Variants in ANKRD36B observed in about 807,000 individuals in gnomAD.
ANKRD36B encodes the protein ankyrin repeat domain 36B.
In ANKRD36B, 37 loss-of-function variants were observed where a neutral mutation model predicts 135.7. The ratio of observed to expected loss-of-function variants is 0.27; its 90% confidence interval spans 0.21 to 0.36. The LOEUF (loss-of-function observed/expected upper bound fraction) is 0.36, where lower values mean the gene tolerates loss of function less well. ANKRD36B is among the 10% of genes least tolerant of loss of function. The pLI, the probability that ANKRD36B is intolerant of heterozygous loss-of-function variation, is 1.00. For synonymous variants in ANKRD36B, 179 were observed against 348.1 expected (o/e 0.51, Z 5.41); for missense variants, 549 against 1,037.1 (o/e 0.53, Z 6.46).
chr2:97,532,031 G>T (rs1237081734), intron 35 of ANKRD36B, among the ~76,000 whole-genome samples: 1 of 95,192 alleles, frequency 1.1e-5, no homozygotes, highest in Non-Finnish European at 2.8e-5. Flanking sequence ...AATATTTGAT[G>T]TTACCTTCTT....
At chr2:97,527,471 C>T (rs1230141159) in intron 35 of ANKRD36B, among the ~76,000 whole-genome samples, 1 of 94,214 alleles carries the variant, frequency 1.1e-5, no homozygotes, top group African/African-American at 3.2e-5. Flanking sequence ...TAAAGACCAT[C>T]GAGACTAGGA....
rs1197079809 is a variant in ANKRD36B at position 97,514,898 on chromosome 2, G to C, written c.2621+834C>G. ...TCCCTGCATATTAAGAATAAAACTG[G>C]ATACATTTTTTTTTTTTTTTTTTTG... On this transcript the variant is annotated intron_variant, in intron 37 of 43. Coordinates refer to ENST00000359901, the MANE Select transcript of ANKRD36B (RefSeq NM_001393939.1). Among the ~76,000 whole-genome samples the C allele has an allele frequency of 3.5e-4, 30 of 86,720 alleles. 8 individuals are homozygous for C. The highest frequency in any genetic ancestry group is 1.1e-3 in the African/African-American group (30 of 28,174). The allele number at this position is 86,720 out of a possible 152,430, so 56.9% of individuals were successfully genotyped here. A position where few individuals can be genotyped will look rare whatever the true frequency, so the allele number is the denominator to read the frequency against.
At chr2:97,563,391 T>C (rs949260759) in intron 6 of ANKRD36B, among the ~76,000 whole-genome samples, 1 of 151,416 alleles carries the variant, frequency 6.6e-6, no homozygotes, top group African/African-American at 2.4e-5. Flanking sequence ...TCACTTGTAA[T>C]GAAAATTCCT....
At chr2:97,552,817 A>G (rs1452988371) in intron 16 of ANKRD36B, among the ~76,000 whole-genome samples, 1 of 151,828 alleles carries the variant, frequency 6.6e-6, no homozygotes, top group African/African-American at 2.4e-5. Flanking sequence ...GACGTCTGTA[A>G]AATCTATACT....
intron 6 of ANKRD36B, among the ~76,000 whole-genome samples, chr2:97,570,005 A>G (rs1203849525): frequency 6.6e-6 from 1 of 152,202 alleles, no homozygotes; most frequent in African/African-American, 2.4e-5. Context: ...AATTAAAATG[A>G]AACAAATTTT....
intron 43 of ANKRD36B, among the ~76,000 whole-genome samples, chr2:97,494,466 C>T (rs1301214928): frequency 2.8e-5 from 3 of 106,828 alleles, no homozygotes; most frequent in African/African-American, 7.8e-5. Context: ...TAAACAACCA[C>T]CTTTCGTGTA....
chr2:97,580,625 T>C, intron 3 of ANKRD36B, 57 bp from the exon 4 acceptor site: 1 of 1,470,566 alleles, frequency 6.8e-7, no homozygotes, highest in South Asian at 1.2e-5. Context: ...TCAACTGAAA[T>C]GAAAACCTTA....
intron 6 of ANKRD36B, among the ~76,000 whole-genome samples, chr2:97,562,847 C>T (rs2081147367): frequency 6.6e-6 from 1 of 151,944 alleles, no homozygotes; most frequent in Admixed American, 6.6e-5. Flanking sequence ...AAAAGCAGCC[C>T]CATGGCCTCC....
chr2:97,574,425 T>C (rs1189401547), intron 6 of ANKRD36B, among the ~76,000 whole-genome samples: 1 of 152,154 alleles, frequency 6.6e-6, no homozygotes, highest in Non-Finnish European at 1.5e-5. Context: ...ATAGGAACAC[T>C]TTTACACTGT....
rs772168036 is a variant in ANKRD36B, at chr2:97,547,694, T to A, written c.1506+9A>T. The A allele has an allele frequency of 3.8e-6, 6 of 1,559,294 alleles. No homozygotes were observed. In the East Asian group the frequency reaches 1.4e-4, roughly 37 times the overall value. The stretch of plus-strand genomic sequence containing the variant: ...TACTAGTTCACAATATAAATGACAG[T>A]TTCATTACCTTCAAGCCTGGTGGTT... On this transcript the variant is annotated intron_variant, in intron 21 of 43. Transcript: ENST00000359901.
chr2:97,586,641 T>C (rs1411415242), intron 1 of ANKRD36B, among the ~76,000 whole-genome samples: 1 of 152,214 alleles, frequency 6.6e-6, no homozygotes, highest in Non-Finnish European at 1.5e-5. Context: ...AAACTATAAA[T>C]TAAAGCAGTG....
At chr2:97,531,771 C>T (rs2104458762) in intron 35 of ANKRD36B, among the ~76,000 whole-genome samples, 1 of 96,062 alleles carries the variant, frequency 1.0e-5, no homozygotes, top group South Asian at 2.4e-4. Context: ...ACCAAAGGTG[C>T]CATTTTGCAA....
chr2:97,553,104 A>G (rs1045496562), intron 16 of ANKRD36B, 64 bp downstream of exon 16: 1 of 1,557,000 alleles, frequency 6.4e-7, no homozygotes, highest in Non-Finnish European at 8.8e-7. Flanking sequence ...CTGATTTATT[A>G]GGGGTAGAGA....
rs1242850742 is a variant in ANKRD36B at position 97,589,807 on chromosome 2, GC to G, written c.-123del. On this transcript the variant is annotated 5_prime_UTR_variant, in exon 1 of 44. Coordinates refer to ENST00000359901, the MANE Select transcript of ANKRD36B (RefSeq NM_001393939.1). ...CCTCCGAAGAGCAACAACAGGCAAA[GC>G]AGTCTGTGCACGGACCTCCGCGCAG... 1 of 1,468,392 alleles carries G rather than the reference GC, an allele frequency of 6.8e-7. No individual in the cohort carries two copies. The highest frequency in any genetic ancestry group is 1.4e-5 in the African/African-American group (1 of 71,430). The allele number at this position is 1,468,392 out of a possible 1,614,324, so 91.0% of individuals were successfully genotyped here.
In ANKRD36B at chr2:97,575,159, C is replaced by G. The variant is rs867532917; in HGVS notation, c.763+1220G>C. Among the ~76,000 whole-genome samples the G allele has an allele frequency of 5.1e-3, 756 of 148,162 alleles. 5 individuals are homozygous for G. The highest frequency in any genetic ancestry group is 0.016 in the African/African-American group (649 of 40,942). On this transcript the variant is annotated intron_variant, in intron 6 of 43. Coordinates refer to ENST00000359901, the MANE Select transcript of ANKRD36B (RefSeq NM_001393939.1). ...ATCACTTCCTCTGACTCCTCTCCTA[C>G]TTTTCTCTAGCCACTGCTCATTCTC...
At position 97,541,491 on chromosome 2, in the gene ANKRD36B, G is replaced by T. The variant is rs1482181458; in HGVS notation, c.1885+420C>A. ...AAATAATTGCTACTTCAGTGATCTTGTTCGTTCTCATTCTATGCTGTTTTT... is the reference window on the plus strand; with the variant it reads ...AAATAATTGCTACTTCAGTGATCTTTTTCGTTCTCATTCTATGCTGTTTTT... On this transcript the variant is annotated intron_variant, in intron 28 of 43. Transcript: ENST00000359901. Among the ~76,000 whole-genome samples the T allele has an allele frequency of 2.1e-5, 2 of 96,318 alleles. 1 individual carries two copies. Among genetic ancestry groups the T allele is most frequent in the Non-Finnish European group, 5.5e-5 (2 of 36,114 alleles). The allele number at this position is 96,318 out of a possible 152,430, so 63.2% of individuals were successfully genotyped here. A position where few individuals can be genotyped will look rare whatever the true frequency, so the allele number is the denominator to read the frequency against.
chr2:97,572,045 G>A lies in ANKRD36B; in HGVS notation c.763+4334C>T, dbSNP rs192171872. ...TCCAGCACTTTGGGAGGCTGAGGCA[G>A]GAGGATCACTTGAAGCCAAAAGTTT... is the stretch of plus-strand genomic sequence containing the variant. On this transcript the variant is annotated intron_variant, in intron 6 of 43. Transcript: ENST00000359901. Among the ~76,000 whole-genome samples the A allele has an allele frequency of 2.5e-3, 385 of 152,276 alleles. 14 individuals are homozygous for A. The East Asian group carries it at 0.047, about 19-fold the overall frequency.
At chr2:97,586,547 T>C (rs2083011661) in intron 1 of ANKRD36B, among the ~76,000 whole-genome samples, 1 of 152,208 alleles carries the variant, frequency 6.6e-6, no homozygotes, top group South Asian at 2.1e-4. Flanking sequence ...ATGTGTCTGC[T>C]ACATAATAGG....
intron 3 of ANKRD36B, among the ~76,000 whole-genome samples, chr2:97,582,320 A>C (rs1200670443): frequency 1.3e-5 from 2 of 152,006 alleles, no homozygotes; most frequent in Non-Finnish European, 2.9e-5. Flanking sequence ...TTTATATAAA[A>C]TATAGACTCT....
Sources: allele counts gnomAD v4.1 joint callset (sites outside exome capture counted in the v4.1 genomes callset), GRCh38; gene constraint gnomAD v4.1.1; transcripts MANE v1.5; gene names NCBI Gene and HGNC (gene_info 2026-07-23, HGNC 2026-07-21).